DGKI: variants seen among roughly 807,000 people sequenced by gnomAD.
The protein encoded by DGKI is DAG kinase iota.
A neutral mutation model predicts 147.5 loss-of-function variants in DGKI; 55 were observed. That is an observed-to-expected ratio of 0.37 (90% CI 0.30 to 0.47). The LOEUF is 0.47. Ranked by LOEUF, DGKI falls within the 20% of genes least tolerant of loss-of-function variation. The pLI, the probability that DGKI is intolerant of heterozygous loss-of-function variation, is 1.00. For missense variants in DGKI, 1,007 were observed against 1,323.8 expected (o/e 0.76, Z 3.71); for synonymous variants, 469 against 477.1 (o/e 0.98, Z 0.22).
chr7:137,559,691 A>C (rs1341399285), intron 19 of DGKI, among the ~76,000 whole-genome samples: 1 of 152,058 alleles, frequency 6.6e-6, no homozygotes, highest in Non-Finnish European at 1.5e-5. Flanking sequence ...AGTCACTACC[A>C]AAGTGAGTTT....
At chr7:137,800,259 A>G (rs1797156424) in intron 1 of DGKI, among the ~76,000 whole-genome samples, 1 of 152,088 alleles carries the variant, frequency 6.6e-6, no homozygotes, top group Non-Finnish European at 1.5e-5. Context: ...AAGGAGTGTA[A>G]TATGGTTTGG....
At chr7:137,402,988 G>T (rs117800896) in intron 30 of DGKI, among the ~76,000 whole-genome samples, 1 of 152,162 alleles carries the variant, frequency 6.6e-6, no homozygotes, top group Non-Finnish European at 1.5e-5. Context: ...TGGGGTAGGC[G>T]TGGGGAGAAT....
At chr7:137,645,685 G>A (rs924407062) in intron 5 of DGKI, 148 bp from the exon 6 acceptor site, 3 of 631,772 alleles carry the variant, frequency 4.7e-6, no homozygotes, top group South Asian at 2.4e-5. Context: ...ACCCATCTCA[G>A]CCTCCTGAAT....
At chr7:137,505,972 G>C (rs1225337786) in intron 21 of DGKI, among the ~76,000 whole-genome samples, 2 of 152,162 alleles carry the variant, frequency 1.3e-5, no homozygotes, top group African/African-American at 4.8e-5. Context: ...TGCTGGTGGG[G>C]ATGTGGAGCA....
chr7:137,738,966 A>G (rs1006800000), intron 1 of DGKI, among the ~76,000 whole-genome samples: 47 of 152,148 alleles, frequency 3.1e-4, no homozygotes, highest in African/African-American at 1.0e-3. Flanking sequence ...ATTACTAGAC[A>G]TATGGACACC....
chr7:137,720,779 T>G (rs1794531825), intron 1 of DGKI, among the ~76,000 whole-genome samples: 1 of 152,196 alleles, frequency 6.6e-6, no homozygotes, highest in Non-Finnish European at 1.5e-5. Flanking sequence ...ATCACTTAAT[T>G]GTCACTGCAT....
chr7:137,749,672 A>C (rs931017676), intron 1 of DGKI, among the ~76,000 whole-genome samples: 2 of 152,130 alleles, frequency 1.3e-5, no homozygotes, highest in African/African-American at 4.8e-5. Context: ...GGGTTGTTGA[A>C]GTTTACTCCA....
intron 20 of DGKI, among the ~76,000 whole-genome samples, chr7:137,546,753 T>A (rs1438351323): frequency 6.6e-6 from 1 of 152,244 alleles, no homozygotes. Context: ...AAGAGTTTCA[T>A]TATAACTACA....
intron 1 of DGKI, among the ~76,000 whole-genome samples, chr7:137,749,291 C>T (rs1401488821): frequency 2.0e-5 from 3 of 152,132 alleles, no homozygotes; most frequent in Non-Finnish European, 4.4e-5. Context: ...AAGGTGAGGA[C>T]CAGGAGCCCC....
chr7:137,738,932 G>A (rs542202544), intron 1 of DGKI, among the ~76,000 whole-genome samples: 99 of 152,160 alleles, frequency 6.5e-4, no homozygotes, highest in African/African-American at 2.3e-3. Flanking sequence ...CTCAGGTCTC[G>A]TTGATTTGTG....
chr7:137,457,238 T>C (rs1814240031), intron 27 of DGKI, among the ~76,000 whole-genome samples: 1 of 152,208 alleles, frequency 6.6e-6, no homozygotes. Context: ...GCCATCTTTA[T>C]CCTGACAGCA....
chr7:137,477,404 T>C (rs1815210080), intron 23 of DGKI, among the ~76,000 whole-genome samples: 1 of 152,232 alleles, frequency 6.6e-6, no homozygotes, highest in Non-Finnish European at 1.5e-5. Flanking sequence ...GTTATGATTT[T>C]ATTTTTGAAG....
chr7:137,424,669 C>A (rs1018977296), intron 28 of DGKI, among the ~76,000 whole-genome samples: 7 of 152,292 alleles, frequency 4.6e-5, no homozygotes, highest in African/African-American at 1.7e-4. Flanking sequence ...CCTGGAAAAT[C>A]AGGTCACTCC....
chr7:137,514,970 C>T (rs1816702210), intron 21 of DGKI, among the ~76,000 whole-genome samples: 1 of 152,158 alleles, frequency 6.6e-6, no homozygotes, highest in African/African-American at 2.4e-5. Context: ...AAGCCTTCTC[C>T]ATGGCCTATA....
At chr7:137,398,240 G>A (rs943773699) in intron 30 of DGKI, among the ~76,000 whole-genome samples, 2 of 152,150 alleles carry the variant, frequency 1.3e-5, no homozygotes, top group Middle Eastern at 3.2e-3. Context: ...CATCCAAGTT[G>A]GGACCACCCC....
At chr7:137,460,869 A>G (rs1251077544) in intron 27 of DGKI, among the ~76,000 whole-genome samples, 1 of 152,260 alleles carries the variant, frequency 6.6e-6, no homozygotes, top group East Asian at 1.9e-4. Flanking sequence ...GGTGGTTGGT[A>G]CATGATGGCC....
chr7:137,398,692 C>A (rs1326849568), intron 30 of DGKI, among the ~76,000 whole-genome samples: 1 of 152,038 alleles, frequency 6.6e-6, no homozygotes, highest in East Asian at 1.9e-4. Context: ...TCCTGGTCAT[C>A]CAAATCATCT....
At chr7:137,532,900 AATAATT>A (rs1817389315) in intron 20 of DGKI, among the ~76,000 whole-genome samples, 1 of 152,200 alleles carries the variant, frequency 6.6e-6, no homozygotes, top group South Asian at 2.1e-4. Context: ...AGAATCACAC[AATAATT>A]ATATCAATAT....
chr7:137,836,162 A>G (rs995980683), intron 1 of DGKI, among the ~76,000 whole-genome samples: 1 of 152,240 alleles, frequency 6.6e-6, no homozygotes, highest in African/African-American at 2.4e-5. Flanking sequence ...AGACTTTGTT[A>G]TAAGTAATTC....
Sources: allele counts gnomAD v4.1 joint callset (sites outside exome capture counted in the v4.1 genomes callset), GRCh38; gene constraint gnomAD v4.1.1; transcripts MANE v1.5; gene names NCBI Gene and HGNC (gene_info 2026-07-23, HGNC 2026-07-21).